CELF2: variants seen among roughly 807,000 people sequenced by gnomAD.
CELF2 encodes CUG triplet repeat RNA-binding protein 2.
Under a neutral mutation model 62.6 loss-of-function variants are expected in CELF2, and 8 were observed. The observed-to-expected ratio is 0.13, with a 90% CI of 0.07 to 0.23. CELF2 has a LOEUF of 0.23. Among genes scored for constraint, CELF2 ranks in the 10% least tolerant of loss-of-function variants. CELF2 has a pLI of 1.00. For synonymous variants in CELF2, 258 were observed against 250.0 expected, an observed-to-expected ratio of 1.03 and a Z score of -0.30; for missense variants, 333 against 671.0, an observed-to-expected ratio of 0.50 and a Z score of 5.56.
At chr10:10,812,170 G>T (rs1309798838) in intron 1 of CELF2, among the ~76,000 whole-genome samples, 2 of 152,164 alleles carry the variant, frequency 1.3e-5, no homozygotes, top group Non-Finnish European at 2.9e-5. Flanking sequence ...ACAGTTCCAT[G>T]TGGCTGGGAA....
Position 11,010,778 on chromosome 10 carries a change from C to G in CELF2, c.53+5338C>G, listed in dbSNP as rs983866733. On this transcript the variant is annotated intron_variant, in intron 1 of 12. Transcript: ENST00000416382. The surrounding 1 kb of genome is among the most constrained non-coding windows in gnomAD (Gnocchi z 4.1). ...GTAGACGTTGATTTGTGTCTCCTGGCTTTAACTAGCGAGGAAGTTGTACAA... is the reference window on the plus strand; with the variant it reads ...GTAGACGTTGATTTGTGTCTCCTGGGTTTAACTAGCGAGGAAGTTGTACAA... The G allele has an allele frequency of 1.3e-5, 2 of 152,212 alleles. No homozygotes were observed. Among genetic ancestry groups the G allele is most frequent in the Admixed American group, 1.3e-4 (2 of 15,282 alleles). The allele number at this position is 152,212 out of a possible 1,614,324, so 9.4% of individuals were successfully genotyped here.
At chr10:10,978,849 AC>A (rs1169478460) in intron 2 of CELF2, among the ~76,000 whole-genome samples, 2 of 152,256 alleles carry the variant, frequency 1.3e-5, no homozygotes, top group Non-Finnish European at 2.9e-5. Context: ...AGGAAAATTA[AC>A]AAAAATACTC....
intron 1 of CELF2, among the ~76,000 whole-genome samples, chr10:10,799,374 CT>C (rs1348850905): frequency 6.6e-6 from 1 of 151,976 alleles, no homozygotes; most frequent in Non-Finnish European, 1.5e-5. Context: ...GTCCCTGCTA[CT>C]TGGGAGGCTG....
At chr10:10,772,230 A>G in the CELF2 span, among the ~76,000 whole-genome samples, 1 of 152,182 alleles carries the variant, frequency 6.6e-6, no homozygotes, top group South Asian at 2.1e-4. Context: ...TTTGGAAAGT[A>G]GAGTCACATG....
chr10:10,914,093 G>A (rs1298832207), intron 1 of CELF2, among the ~76,000 whole-genome samples: 9 of 150,442 alleles, frequency 6.0e-5, no homozygotes, highest in Non-Finnish European at 1.2e-4. Context: ...ATCATTTTTA[G>A]GACAGGCAAT....
chr10:10,847,982 A>G (rs1016303077), intron 1 of CELF2, among the ~76,000 whole-genome samples: 2 of 152,200 alleles, frequency 1.3e-5, no homozygotes, highest in Non-Finnish European at 2.9e-5. Flanking sequence ...CAAAGCACAT[A>G]TAGAAGATGG....
At chr10:10,749,127 GA>G in the CELF2 span, among the ~76,000 whole-genome samples, 2 of 152,182 alleles carry the variant, frequency 1.3e-5, no homozygotes, top group Non-Finnish European at 2.9e-5. Flanking sequence ...CAAGAAAACA[GA>G]GTGAAATGTC....
At position 10,934,443 on chromosome 10, in the gene CELF2, T is replaced by C. The variant is rs2135260056; in HGVS notation, c.89+14444T>C. The C allele has an allele frequency of 6.6e-6, 1 of 152,344 alleles. No homozygotes were observed. The highest frequency in any genetic ancestry group is 2.1e-4 in the South Asian group (1 of 4,830). 9.4% of individuals were successfully genotyped at this position (152,344 alleles called of 1,614,324 possible). On this transcript the variant is annotated intron_variant, in intron 2 of 13. Transcript: ENST00000636488. This position sits in a 1 kb window ranked among gnomAD's most constrained non-coding sequence, Gnocchi z 4.4. ...AATGGGAGCTAAGAATCTTTCTGAA[T>C]GGTTGAAGTGAGAGTAACAGGTGCA...
At chr10:10,626,234 T>C in the CELF2 span, among the ~76,000 whole-genome samples, 1 of 143,410 alleles carries the variant, frequency 7.0e-6, no homozygotes, top group Non-Finnish European at 1.5e-5. Flanking sequence ...AGCTGCAGAA[T>C]CACACATTTT....
intron 1 of CELF2, among the ~76,000 whole-genome samples, chr10:11,052,355 A>G (rs544156833): frequency 1.3e-5 from 2 of 152,330 alleles, no homozygotes; most frequent in East Asian, 3.9e-4. Flanking sequence ...TAGTTCAGAT[A>G]ATTCATTTTT....
chr10:10,651,480 C>T, the CELF2 span, among the ~76,000 whole-genome samples: 1 of 125,804 alleles, frequency 7.9e-6, no homozygotes, highest in Non-Finnish European at 1.8e-5. Flanking sequence ...TGTCTGACAG[C>T]TTTGAAGAGA....
At chr10:10,686,167 T>C in the CELF2 span, among the ~76,000 whole-genome samples, 23 of 152,094 alleles carry the variant, frequency 1.5e-4, no homozygotes, top group African/African-American at 5.5e-4. Flanking sequence ...GTTGATAAAA[T>C]TGGGAGAGTG....
chr10:10,716,191 T>G, the CELF2 span, among the ~76,000 whole-genome samples: 1 of 152,208 alleles, frequency 6.6e-6, no homozygotes, highest in African/African-American at 2.4e-5. Context: ...GTTAATATCC[T>G]AAAGACATGA....
At chr10:10,832,676 T>C (rs917744148) in intron 1 of CELF2, among the ~76,000 whole-genome samples, 1 of 152,216 alleles carries the variant, frequency 6.6e-6, no homozygotes, top group African/African-American at 2.4e-5. Context: ...GGAAATCCCA[T>C]ACCGGATCCA....
chr10:10,879,165 A>G (rs1385597018), intron 1 of CELF2, among the ~76,000 whole-genome samples: 6 of 152,200 alleles, frequency 3.9e-5, no homozygotes, highest in Non-Finnish European at 5.9e-5. Context: ...GTACTTTCTC[A>G]TAATGGAAAG....
At chr10:10,595,056 G>A in the CELF2 span, among the ~76,000 whole-genome samples, 1 of 152,220 alleles carries the variant, frequency 6.6e-6, no homozygotes, top group African/African-American at 2.4e-5. Flanking sequence ...TGACTTTGAC[G>A]TTAGCCCAGA....
chr10:10,853,001 C>A (rs2059480230), intron 1 of CELF2, among the ~76,000 whole-genome samples: 1 of 152,192 alleles, frequency 6.6e-6, no homozygotes, highest in Non-Finnish European at 1.5e-5. Context: ...ATTACTGAGA[C>A]AGAGTCTCAC....
At position 10,928,360 on chromosome 10, in the gene CELF2, TCTATTTGAAAGCC is replaced by T. The variant is rs1186570371; in HGVS notation, c.89+8363_89+8375del. On this transcript the variant is annotated intron_variant, in intron 2 of 13. Transcript: ENST00000636488. This position sits in a 1 kb window ranked among gnomAD's most constrained non-coding sequence, Gnocchi z 4.8. Reference sequence around the variant, plus strand: ...CCTACTCTTTGTATGTGTTCTTCCTTCTATTTGAAAGCCCAGTGTCATCTCTCTGCTCTTTTTC... The same window carrying T: ...CCTACTCTTTGTATGTGTTCTTCCTTCAGTGTCATCTCTCTGCTCTTTTTC... Among the ~76,000 whole-genome samples, 2 of 152,170 alleles carry T rather than the reference TCTATTTGAAAGCC, an allele frequency of 1.3e-5. No individual in the cohort carries two copies. The highest frequency in any genetic ancestry group is 3.9e-4 in the East Asian group (2 of 5,192).
the CELF2 span, among the ~76,000 whole-genome samples, chr10:10,542,216 C>G: frequency 6.6e-6 from 1 of 152,122 alleles, no homozygotes; most frequent in African/African-American, 2.4e-5. Context: ...TGAGTCAAAT[C>G]CAGTTATCCA....
Sources: allele counts gnomAD v4.1 joint callset (sites outside exome capture counted in the v4.1 genomes callset), GRCh38; gene constraint gnomAD v4.1.1; non-coding constraint Gnocchi (gnomAD v3.1); transcripts MANE v1.5; gene names NCBI Gene and HGNC (gene_info 2026-07-23, HGNC 2026-07-21).